The following PTPN21 variants were observed in gnomAD, a reference collection of about 807,000 sequenced individuals.
PTPN21 encodes tyrosine-protein phosphatase non-receptor type 21.
PTPN21 carries 77 observed loss-of-function variants against 131.8 expected under a neutral mutation model. The ratio of observed to expected loss-of-function variants is 0.58; its 90% confidence interval spans 0.49 to 0.71. PTPN21 has a LOEUF of 0.71. Ranked by LOEUF, PTPN21 falls within the 30% of genes least tolerant of loss-of-function variation. The pLI is 0.00. For missense variants in PTPN21, 1,552 were observed against 1,527.1 expected, an observed-to-expected ratio of 1.02 and a Z score of -0.27; for synonymous variants, 715 against 621.3, an observed-to-expected ratio of 1.15 and a Z score of -2.24.
chr14:88,467,898 G>T lies in PTPN21; in HGVS notation c.*239C>A. ...AAGTACTGCAAACCGGACAGACCGG[G>T]GCAGGGCAAGGCCCTTGAAACCAAG... is the stretch of plus-strand genomic sequence containing the variant. On this transcript the variant is annotated 3_prime_UTR_variant, in exon 19 of 19. Coordinates refer to ENST00000556564, the MANE Select transcript of PTPN21 (RefSeq NM_007039.4). 1.7e-6 allele frequency: 1 copy of T among 582,152 alleles called. No homozygotes were observed. The highest frequency in any genetic ancestry group is 3.1e-5 in the East Asian group (1 of 32,624). The allele number at this position is 582,152 out of a possible 1,614,324, so 36.1% of individuals were successfully genotyped here.
intron 4 of PTPN21, among the ~76,000 whole-genome samples, chr14:88,505,729 C>T (rs1213470109): frequency 6.6e-6 from 1 of 152,072 alleles, no homozygotes; most frequent in African/African-American, 2.4e-5. Flanking sequence ...GTACTGATGA[C>T]CTCTGGGGAA....
intron 6 of PTPN21, among the ~76,000 whole-genome samples, chr14:88,502,187 C>T (rs1048438342): frequency 9.2e-5 from 14 of 152,224 alleles, no homozygotes; most frequent in African/African-American, 3.1e-4. Context: ...CCTCATCTTC[C>T]GATGCTCCCC....
At chr14:88,538,271 C>T (rs910791497) in intron 2 of PTPN21, among the ~76,000 whole-genome samples, 2 of 152,200 alleles carry the variant, frequency 1.3e-5, no homozygotes, top group Non-Finnish European at 2.9e-5. Flanking sequence ...TACCTTTCTC[C>T]TTGCTTGGAT....
rs1431315343 is a variant in PTPN21, at chr14:88,467,107, T to C, written c.*1030A>G. Reference sequence around the variant, plus strand: ...AGTCTGAGTATAGATAATACTGCATTTTTGTAAAGACGAAGGCATCCTGCA... The same window carrying C: ...AGTCTGAGTATAGATAATACTGCATCTTTGTAAAGACGAAGGCATCCTGCA... On this transcript the variant is annotated 3_prime_UTR_variant, in exon 19 of 19. Transcript: ENST00000556564. 6.6e-6 allele frequency: 1 copy of C among 152,138 alleles called. No homozygotes were observed. Among genetic ancestry groups the C allele is most frequent in the Non-Finnish European group, 1.5e-5 (1 of 68,048 alleles). 9.4% of individuals were successfully genotyped at this position (152,138 alleles called of 1,614,324 possible).
intron 2 of PTPN21, among the ~76,000 whole-genome samples, chr14:88,534,274 T>C (rs1010715298): frequency 3.3e-5 from 5 of 151,640 alleles, no homozygotes; most frequent in African/African-American, 1.2e-4. Flanking sequence ...TCCCAGCTAC[T>C]TGGGAGGCTG....
rs2078674089 is a variant in PTPN21 at position 88,539,406 on chromosome 14, T to C, written c.180+10832A>G. On this transcript the variant is annotated intron_variant, in intron 2 of 18. Coordinates refer to ENST00000556564, the MANE Select transcript of PTPN21 (RefSeq NM_007039.4). ...CTGGGATTACAGGCATGCACCACCA[T>C]GGCCAGCAATATTGTATTTTTAGTA... 3.3e-5 allele frequency among the ~76,000 whole-genome samples: 5 copies of C among 151,994 alleles called. No individual in the cohort carries two copies. In the South Asian group the frequency reaches 8.3e-4, roughly 25 times the overall value.
At position 88,522,509 on chromosome 14, in the gene PTPN21, G is replaced by A. The variant is rs928330487; in HGVS notation, c.181-5248C>T. On this transcript the variant is annotated intron_variant, in intron 2 of 18. Coordinates refer to ENST00000556564, the MANE Select transcript of PTPN21 (RefSeq NM_007039.4). ...AGCTCTTTTAAATAAAGGAGTCTAA[G>A]ATTTGGGACATCTGAATATTGACTT... Among the ~76,000 whole-genome samples the A allele has an allele frequency of 1.3e-4, 20 of 150,838 alleles. 1 individual carries two copies. The highest frequency in any genetic ancestry group is 2.5e-4 in the Non-Finnish European group (17 of 67,848).
rs199939499 is a variant in PTPN21 at position 88,550,304 on chromosome 14, G to A, written c.114C>T (p.Thr38=). 6.2e-7 allele frequency: 1 copy of A among 1,614,204 alleles called. No individual in the cohort carries two copies. The highest frequency in any genetic ancestry group is 8.5e-7 in the Non-Finnish European group (1 of 1,180,024). Residue 38 remains threonine (T), a synonymous_variant, in exon 2 of 19, where the codon ACC becomes ACT. Coordinates refer to ENST00000556564, the MANE Select transcript of PTPN21 (RefSeq NM_007039.4). ...CCTGGCCAGTGCTCTCCACGGACAG[G>A]GTGAACTCCACAAACTCGTTATTAA... ...QLLNNEFVEF[T]LSVESTGQES...
Position 88,500,850 on chromosome 14 carries a change from A to G in PTPN21, c.697T>C (p.Ser233Pro), listed in dbSNP as rs765635389. 2 of 1,613,540 alleles carry G rather than the reference A, an allele frequency of 1.2e-6. No individual in the cohort carries two copies. The change falls in exon 8 of 19, where the codon TCC becomes CCC. Residue 233 changes from serine to proline, a missense_variant. Transcript: ENST00000556564. The part of the protein sequence containing the change: ...PAKDSQGSDI[S>P]IGACLEGIFV... ...ATACCTTCAAGACACGCTCCAATGG[A>G]TATGTCACTTCCTTGGCTATCCTAC...
chr14:88,472,254 G>T lies in PTPN21; in HGVS notation c.2861C>A (p.Ser954Ter). The T allele has an allele frequency of 2.5e-6, 4 of 1,605,586 alleles. No homozygotes were observed. Among genetic ancestry groups the T allele is most frequent in the Non-Finnish European group, 3.4e-6 (4 of 1,172,372 alleles). Residue 954 changes from serine to a stop codon, truncating the protein, a stop_gained, in exon 15 of 19, where the codon TCA (serine) becomes TAA (stop). Transcript: ENST00000556564. LOFTEE classifies it high-confidence loss of function. ...AGGCGTTCCTCTCACCTTAATATGTGATGCGTTGATGTAACCAGTGTTGTT... is the reference window on the plus strand; with the variant it reads ...AGGCGTTCCTCTCACCTTAATATGTTATGCGTTGATGTAACCAGTGTTGTT... The part of the protein sequence containing the change: ...KENNTGYINA[S>*]HIKVSVSGIE...
chr14:88,510,967 C>T (rs1021818635), intron 3 of PTPN21, among the ~76,000 whole-genome samples: 2 of 150,552 alleles, frequency 1.3e-5, no homozygotes, highest in Admixed American at 1.3e-4. Flanking sequence ...GGCTGGAGTG[C>T]AATGGCGTAA....
At chr14:88,505,397 T>C (rs778663934) in intron 4 of PTPN21, 26 bp from the exon 5 acceptor site, 11 of 1,496,162 alleles carry the variant, frequency 7.4e-6, no homozygotes, top group Non-Finnish European at 1.0e-5. Flanking sequence ...AACATTCACG[T>C]TAATTATATT....
At chr14:88,494,812 G>A (rs1480388105) in intron 10 of PTPN21, among the ~76,000 whole-genome samples, 1 of 151,620 alleles carries the variant, frequency 6.6e-6, no homozygotes, top group Admixed American at 6.6e-5. Flanking sequence ...AGGAGATCAA[G>A]ACCATCCTGG....
At chr14:88,496,618 A>G in intron 9 of PTPN21, 126 bp from the exon 10 acceptor site, 1 of 710,248 alleles carries the variant, frequency 1.4e-6, no homozygotes, top group East Asian at 2.6e-5. Flanking sequence ...GAACACTATA[A>G]GCCTTTCATT....
rs1566839038 is a variant in PTPN21 at position 88,517,754 on chromosome 14, C to CTATATATACACGTGTGTATATA, written c.181-494_181-493insTATATACACACGTGTATATATA. Among the ~76,000 whole-genome samples, 621 of 74,608 alleles carry CTATATATACACGTGTGTATATA rather than the reference C, an allele frequency of 8.3e-3. 3 individuals are homozygous for CTATATATACACGTGTGTATATA. The highest frequency in any genetic ancestry group is 0.013 in the Non-Finnish European group (472 of 35,238). The allele number at this position is 74,608 out of a possible 152,430, so 48.9% of individuals were successfully genotyped here. On this transcript the variant is annotated intron_variant, in intron 2 of 18. Coordinates refer to ENST00000556564, the MANE Select transcript of PTPN21 (RefSeq NM_007039.4). ...TACTATATATACACGTGTGTATATA[C>CTATATATACACGTGTGTATATA]TAGTGTATATACACTATATATAATG...
chr14:88,469,446 T>C lies in PTPN21; in HGVS notation c.3235+53A>G, dbSNP rs138441762. 1,007 of 1,420,870 alleles carry C rather than the reference T, an allele frequency of 7.1e-4. 4 individuals are homozygous for C. The African/African-American group carries it at 0.011, about 15-fold the overall frequency. 88.0% of individuals were successfully genotyped at this position (1,420,870 alleles called of 1,614,324 possible). ...TTTCGGAAACATAAATGTTCCTCTC[T>C]GTTTAACACCTCCAGAGGCAGCTGT... On this transcript the variant is annotated intron_variant, in intron 17 of 18. Transcript: ENST00000556564. The surrounding 1 kb of genome is among the most constrained non-coding windows in gnomAD (Gnocchi z 4.3).
chr14:88,474,983 T>G (rs2140089918), intron 13 of PTPN21, among the ~76,000 whole-genome samples: 1 of 152,008 alleles, frequency 6.6e-6, no homozygotes, highest in East Asian at 1.9e-4. Flanking sequence ...TCCCAGCTAC[T>G]CGGGAGGCTG....
intron 13 of PTPN21, among the ~76,000 whole-genome samples, chr14:88,476,386 C>A (rs1187866444): frequency 6.6e-6 from 1 of 152,212 alleles, no homozygotes; most frequent in Admixed American, 6.5e-5. Flanking sequence ...CCCAACAACT[C>A]TCTGGGGTCC....
intron 2 of PTPN21, chr14:88,547,770 A>G (rs1754438493): frequency 2.3e-6 from 1 of 427,854 alleles, no homozygotes; most frequent in Non-Finnish European, 4.7e-6. Flanking sequence ...CCCCTCCTCT[A>G]ATCTACCATG....
Sources: allele counts gnomAD v4.1 joint callset (sites outside exome capture counted in the v4.1 genomes callset), GRCh38; gene constraint gnomAD v4.1.1; non-coding constraint Gnocchi (gnomAD v3.1); transcripts MANE v1.5; gene names NCBI Gene and HGNC (gene_info 2026-07-23, HGNC 2026-07-21).